The following BTAF1 variants were observed in gnomAD, a reference collection of about 807,000 sequenced individuals.
BTAF1 encodes the protein B-TFIID TATA-box binding protein associated factor 1.
A neutral mutation model predicts 227.1 loss-of-function variants in BTAF1; 38 were observed. That is an observed-to-expected ratio of 0.17 (90% CI 0.13 to 0.22). The LOEUF is 0.22. BTAF1 is among the 10% of genes least tolerant of loss of function. The pLI is 1.00. For missense variants in BTAF1, 1,598 were observed against 2,204.0 expected, an observed-to-expected ratio of 0.73 and a Z score of 5.51; for synonymous variants, 742 against 751.9, an observed-to-expected ratio of 0.99 and a Z score of 0.21.
At chr10:92,001,673 A>T (rs763501263) in intron 25 of BTAF1, among the ~76,000 whole-genome samples, 7 of 152,172 alleles carry the variant, frequency 4.6e-5, no homozygotes, top group Non-Finnish European at 7.3e-5. Flanking sequence ...ATTTAAAAAA[A>T]ATACAGCACC....
intron 14 of BTAF1, among the ~76,000 whole-genome samples, chr10:91,980,228 C>G (rs1847971695): frequency 6.6e-6 from 1 of 152,134 alleles, no homozygotes; most frequent in Middle Eastern, 3.2e-3. Flanking sequence ...CAGACTTTTT[C>G]CAGCTTCCCA....
intron 13 of BTAF1, among the ~76,000 whole-genome samples, chr10:91,964,827 G>GTTACAGATAAGTGTCC: frequency 6.6e-6 from 1 of 152,144 alleles, no homozygotes; most frequent in Non-Finnish European, 1.5e-5. Flanking sequence ...CTTGAATATT[G>GTTACAGATAAGTGTCC]TTAGAGATAA....
chr10:91,937,281 C>T (rs1844685329), intron 2 of BTAF1, among the ~76,000 whole-genome samples: 2 of 152,132 alleles, frequency 1.3e-5, no homozygotes, highest in African/African-American at 4.8e-5. Flanking sequence ...GCGTGAACCA[C>T]CGCTCCTGGC....
intron 14 of BTAF1, among the ~76,000 whole-genome samples, chr10:91,977,954 A>G (rs1293792769): frequency 6.6e-6 from 1 of 152,132 alleles, no homozygotes; most frequent in East Asian, 1.9e-4. Context: ...CTCCCCCACC[A>G]TCAGTATTCC....
intron 34 of BTAF1, among the ~76,000 whole-genome samples, chr10:92,021,599 T>G (rs1296090746): frequency 2.0e-5 from 3 of 151,950 alleles, no homozygotes; most frequent in Non-Finnish European, 4.4e-5. Context: ...TGGAATGCAG[T>G]GGCGCGATCT....
At chr10:91,981,621 A>C in intron 15 of BTAF1, 22 bp from the exon 16 acceptor site, 4 of 1,558,100 alleles carry the variant, frequency 2.6e-6, no homozygotes, top group Non-Finnish European at 3.5e-6. Flanking sequence ...ATTCACTTTC[A>C]TGTCCCCCTT....
At chr10:91,976,401 C>T (rs1423990054) in intron 14 of BTAF1, among the ~76,000 whole-genome samples, 1 of 152,182 alleles carries the variant, frequency 6.6e-6, no homozygotes, top group East Asian at 1.9e-4. Flanking sequence ...ACTTAATCTC[C>T]AACCCCTCTA....
At chr10:91,936,889 C>G (rs1844648520) in intron 2 of BTAF1, among the ~76,000 whole-genome samples, 1 of 152,160 alleles carries the variant, frequency 6.6e-6, no homozygotes, top group African/African-American at 2.4e-5. Flanking sequence ...TCACTCAGAC[C>G]TCAGCATATT....
At chr10:91,983,344 T>C (rs758790495) in intron 18 of BTAF1, among the ~76,000 whole-genome samples, 1 of 152,252 alleles carries the variant, frequency 6.6e-6, no homozygotes, top group Non-Finnish European at 1.5e-5. Context: ...ACTGGCTTTG[T>C]TTATTCCATT....
At chr10:91,961,724 G>T (rs1010117111) in intron 11 of BTAF1, among the ~76,000 whole-genome samples, 1 of 152,098 alleles carries the variant, frequency 6.6e-6, no homozygotes, top group African/African-American at 2.4e-5. Context: ...TCCCTATTTC[G>T]TAGTGAAACC....
intron 28 of BTAF1, 78 bp downstream of exon 28, chr10:92,009,286 T>G: frequency 2.1e-6 from 3 of 1,433,406 alleles, no homozygotes; most frequent in Non-Finnish European, 1.9e-6. Context: ...TTTATTAAAG[T>G]GAATTCTAAT....
chr10:92,011,550 A>G (rs1850291781), intron 30 of BTAF1, 135 bp downstream of exon 30: 1 of 343,460 alleles, frequency 2.9e-6, no homozygotes, highest in South Asian at 1.4e-4. Context: ...ATAATTTTCC[A>G]GTATATAATT....
At chr10:92,006,485 G>T (rs1849896404) in intron 25 of BTAF1, among the ~76,000 whole-genome samples, 1 of 152,050 alleles carries the variant, frequency 6.6e-6, no homozygotes, top group Admixed American at 6.6e-5. Context: ...CTTTTGAATG[G>T]ATCTTTTATT....
intron 28 of BTAF1, among the ~76,000 whole-genome samples, chr10:92,010,501 A>G (rs943953220): frequency 1.3e-5 from 2 of 152,110 alleles, no homozygotes; most frequent in Non-Finnish European, 1.5e-5. Flanking sequence ...TACATAACTT[A>G]TTGTTACTAT....
intron 3 of BTAF1, 48 bp from the exon 4 acceptor site, chr10:91,942,374 C>T: frequency 6.6e-7 from 1 of 1,512,020 alleles, no homozygotes; most frequent in Middle Eastern, 1.7e-4. Flanking sequence ...TTCTTTCATT[C>T]CACACTTTGG....
chr10:91,960,479 G>A (rs537543649), intron 11 of BTAF1, among the ~76,000 whole-genome samples: 4 of 152,006 alleles, frequency 2.6e-5, no homozygotes, highest in African/African-American at 9.7e-5. Context: ...CATGCTCTGA[G>A]GGCTATACAA....
chr10:91,959,568 G>A (rs1846344268), intron 9 of BTAF1, among the ~76,000 whole-genome samples: 1 of 151,796 alleles, frequency 6.6e-6, no homozygotes. Flanking sequence ...TAATATTAAA[G>A]ACATTAATTG....
chr10:91,997,672 G>A lies in BTAF1; in HGVS notation c.3581G>A (p.Arg1194Lys). ...IVLLVVPVLG[R>K]MSDQTDSVRF... ...CTTTTAGTTGTTCCTGTATTAGGAA[G>A]AATGAGTGATCAGACAGACAGTGTG... The change falls in exon 25 of 38, where the codon AGA becomes AAA. Residue 1194 changes from arginine to lysine, a missense_variant. Physicochemically the swap from Arg to Lys is conservative, Grantham distance 26. Around this residue, in one of 10 missense-constraint regions of BTAF1, gnomAD observed 425 missense variants for 491.2 expected, o/e 0.87. Transcript: ENST00000265990. The A allele has an allele frequency of 6.2e-7, 1 of 1,613,978 alleles. No individual in the cohort carries two copies. Among genetic ancestry groups the A allele is most frequent in the Non-Finnish European group, 8.5e-7 (1 of 1,179,892 alleles).
At chr10:91,970,837 A>G (rs1847244784) in intron 14 of BTAF1, among the ~76,000 whole-genome samples, 1 of 152,228 alleles carries the variant, frequency 6.6e-6, no homozygotes, top group Non-Finnish European at 1.5e-5. Flanking sequence ...TTAAAAGACA[A>G]ACTAAGCTGA....
Sources: allele counts gnomAD v4.1 joint callset (sites outside exome capture counted in the v4.1 genomes callset), GRCh38; gene constraint gnomAD v4.1.1; regional missense constraint gnomAD v4.1.1; transcripts MANE v1.5; gene names NCBI Gene and HGNC (gene_info 2026-07-23, HGNC 2026-07-21).